TRPM3: variants seen among roughly 807,000 people sequenced by gnomAD.
TRPM3 encodes the protein long transient receptor potential channel 3.
A neutral mutation model predicts 181.2 loss-of-function variants in TRPM3; 77 were observed. The ratio of observed to expected loss-of-function variants is 0.42; its 90% confidence interval spans 0.35 to 0.51. TRPM3 has a LOEUF of 0.51. TRPM3 is among the 20% of genes least tolerant of loss of function. The pLI is 0.01. For missense variants in TRPM3, 1,759 were observed against 2,196.7 expected (o/e 0.80, Z 3.98); for synonymous variants, 745 against 796.4 (o/e 0.94, Z 1.09).
chr9:70,688,292 C>CT (rs1425579275), intron 8 of TRPM3, among the ~76,000 whole-genome samples: 2 of 32,194 alleles, frequency 6.2e-5, no homozygotes, highest in Non-Finnish European at 1.6e-4. Flanking sequence ...ACTCCCAAAA[C>CT]TTTAAAAAAA....
intron 9 of TRPM3, among the ~76,000 whole-genome samples, chr9:70,677,579 G>A (rs574295264): frequency 5.3e-5 from 8 of 152,182 alleles, no homozygotes; most frequent in Admixed American, 2.6e-4. Flanking sequence ...GCCTTGCTGG[G>A]TTTCCCCTCT....
At chr9:71,026,984 G>C (rs1348773192) in intron 1 of TRPM3, among the ~76,000 whole-genome samples, 1 of 152,132 alleles carries the variant, frequency 6.6e-6, no homozygotes, top group East Asian at 1.9e-4. Flanking sequence ...CACTGCTGCT[G>C]CCACTGCTTG....
intron 20 of TRPM3, among the ~76,000 whole-genome samples, chr9:70,601,216 C>T (rs1464664930): frequency 6.6e-6 from 1 of 152,126 alleles, no homozygotes; most frequent in East Asian, 1.9e-4. Context: ...ACAGAGTTGT[C>T]GGCGGGGGTA....
At chr9:71,228,648 A>T (rs1360581059) in intron 1 of TRPM3, among the ~76,000 whole-genome samples, 2 of 152,192 alleles carry the variant, frequency 1.3e-5, no homozygotes, top group Non-Finnish European at 2.9e-5. Context: ...AACATACAAA[A>T]ATCAGTAGCA....
intron 1 of TRPM3, among the ~76,000 whole-genome samples, chr9:71,387,338 AT>A (rs1233499650): frequency 2.0e-4 from 30 of 152,274 alleles, no homozygotes; most frequent in African/African-American, 7.0e-4. Flanking sequence ...ATGATCTTTA[AT>A]TTTATAGCAG....
chr9:71,388,316 T>G (rs956799375), intron 1 of TRPM3, among the ~76,000 whole-genome samples: 1 of 152,166 alleles, frequency 6.6e-6, no homozygotes, highest in Non-Finnish European at 1.5e-5. Context: ...CTGGTTATTT[T>G]CAATCACTTC....
intron 1 of TRPM3, among the ~76,000 whole-genome samples, chr9:71,133,537 A>T (rs1323580080): frequency 2.7e-5 from 4 of 150,870 alleles, no homozygotes; most frequent in African/African-American, 4.9e-5. Context: ...AACTTAGGTG[A>T]TCCGCCTGCC....
chr9:71,179,332 C>T (rs889191114), intron 1 of TRPM3, among the ~76,000 whole-genome samples: 4 of 152,054 alleles, frequency 2.6e-5, no homozygotes, highest in East Asian at 1.9e-4. Flanking sequence ...TCACCACTCA[C>T]GATTGTAAAA....
chr9:71,121,334 G>T lies in TRPM3; in HGVS notation c.21C>A (p.Thr7=), dbSNP rs76136548. 6.2e-7 allele frequency: 1 copy of T among 1,613,626 alleles called. No homozygotes were observed. The highest frequency in any genetic ancestry group is 1.7e-5 in the Admixed American group (1 of 59,986). Residue 7 remains threonine, a synonymous_variant, in exon 1 of 26, where the codon ACC becomes ACA. Transcript: ENST00000677713. The stretch of plus-strand genomic sequence containing the variant: ...CCTGAGCAATGCCTAGAAAATAAAC[G>T]GTCCCCCACGGCTCTGGCATCCCAT... The part of the protein sequence containing the change: MPEPWG[T]VYFLGIAQVF...
intron 1 of TRPM3, among the ~76,000 whole-genome samples, chr9:71,015,580 C>T (rs1326864918): frequency 6.6e-6 from 1 of 152,162 alleles, no homozygotes; most frequent in Non-Finnish European, 1.5e-5. Flanking sequence ...TGGTTGTAAA[C>T]TGCTATACTT....
At chr9:71,318,643 ATT>A (rs1008666695) in intron 1 of TRPM3, among the ~76,000 whole-genome samples, 1 of 152,166 alleles carries the variant, frequency 6.6e-6, no homozygotes, top group African/African-American at 2.4e-5. Context: ...CTTATAAGGC[ATT>A]GTCTTAGCCT....
At chr9:71,324,569 A>G (rs192671594) in intron 1 of TRPM3, among the ~76,000 whole-genome samples, 5 of 152,192 alleles carry the variant, frequency 3.3e-5, no homozygotes, top group East Asian at 1.9e-4. Flanking sequence ...GATTTCTCAA[A>G]AAAACTAAAA....
At chr9:70,809,877 TCA>T in intron 6 of TRPM3, 1 of 493,958 alleles carries the variant, frequency 2.0e-6, no homozygotes, top group Non-Finnish European at 4.2e-6. Flanking sequence ...ACAGTGTTTT[TCA>T]TCTCTCTTAT....
chr9:70,961,947 T>C (rs911693520), intron 1 of TRPM3, among the ~76,000 whole-genome samples: 7 of 152,160 alleles, frequency 4.6e-5, no homozygotes, highest in Non-Finnish European at 2.9e-5. Context: ...TGAATTAGCA[T>C]CATAGAATGA....
At chr9:71,273,792 A>G (rs757422961) in intron 1 of TRPM3, among the ~76,000 whole-genome samples, 1 of 152,168 alleles carries the variant, frequency 6.6e-6, no homozygotes, top group Non-Finnish European at 1.5e-5. Context: ...TCTGCCCTAG[A>G]TGCATGTCTG....
chr9:71,303,330 A>G (rs2086949974), intron 1 of TRPM3, among the ~76,000 whole-genome samples: 1 of 152,244 alleles, frequency 6.6e-6, no homozygotes, highest in South Asian at 2.1e-4. Context: ...AAGTGGAGTT[A>G]ATTATAGAAA....
At chr9:71,203,165 T>A (rs889583459) in intron 1 of TRPM3, among the ~76,000 whole-genome samples, 3 of 152,208 alleles carry the variant, frequency 2.0e-5, no homozygotes, top group African/African-American at 7.2e-5. Context: ...AAGGGAGATC[T>A]AGTTCCAGAA....
intron 19 of TRPM3, among the ~76,000 whole-genome samples, chr9:70,605,275 A>T (rs1276040352): frequency 1.3e-5 from 2 of 151,836 alleles, no homozygotes; most frequent in South Asian, 2.1e-4. Flanking sequence ...TCTTAATATG[A>T]CTCCAAGGTA....
At chr9:71,440,972 C>T (rs1406367402) in intron 1 of TRPM3, among the ~76,000 whole-genome samples, 1 of 152,070 alleles carries the variant, frequency 6.6e-6, no homozygotes, top group African/African-American at 2.4e-5. Context: ...AGAAGCTGTT[C>T]TAATATCTTT....
Sources: allele counts gnomAD v4.1 joint callset (sites outside exome capture counted in the v4.1 genomes callset), GRCh38; gene constraint gnomAD v4.1.1; transcripts MANE v1.5; gene names NCBI Gene and HGNC (gene_info 2026-07-23, HGNC 2026-07-21).